Variants in SAMD9 observed in about 807,000 individuals in gnomAD.
SAMD9 encodes sterile alpha motif domain containing 9.
Under a neutral mutation model 1.5 loss-of-function variants are expected in SAMD9, and 3 were observed. That is an observed-to-expected ratio of 2.05 (90% CI 0.93 to 5.29). The LOEUF (loss-of-function observed/expected upper bound fraction) is 5.29, where lower values mean the gene tolerates loss of function less well. Among genes scored for constraint, SAMD9 ranks in the 30% most tolerant of loss-of-function variants. The probability of loss-of-function intolerance (pLI) is 0.02; values close to 1 mark genes in which losing one functional copy is unlikely to be tolerated. For missense variants in SAMD9, 1,597 were observed against 1,820.8 expected (o/e 0.88, Z 2.24); for synonymous variants, 635 against 631.9 (o/e 1.00, Z -0.07).
At chr7:93,116,092 A>G (rs1791827937) in intron 1 of SAMD9, among the ~76,000 whole-genome samples, 1 of 151,988 alleles carries the variant, frequency 6.6e-6, no homozygotes, top group African/African-American at 2.4e-5. Context: ...GAGGCCTCAT[A>G]CCTATGGCTC....
intron 2 of SAMD9, among the ~76,000 whole-genome samples, chr7:93,111,355 G>A (rs1791740246): frequency 6.6e-6 from 1 of 152,196 alleles, no homozygotes; most frequent in Non-Finnish European, 1.5e-5. Context: ...GAGATAGCAG[G>A]AAAGATCTAA....
intron 1 of SAMD9, among the ~76,000 whole-genome samples, chr7:93,115,926 T>C (rs1334608331): frequency 6.6e-6 from 1 of 152,238 alleles, no homozygotes; most frequent in East Asian, 1.9e-4. Context: ...CACCCTCGTC[T>C]AGTAACCATT....
intron 2 of SAMD9, among the ~76,000 whole-genome samples, chr7:93,109,660 G>A (rs1367294237): frequency 6.6e-6 from 1 of 152,178 alleles, no homozygotes; most frequent in Non-Finnish European, 1.5e-5. Flanking sequence ...CGTGACGCAT[G>A]CACAAGCTTC....
chr7:93,117,664 A>C (rs1791853533), intron 1 of SAMD9, among the ~76,000 whole-genome samples, 199 bp downstream of exon 1: 1 of 152,212 alleles, frequency 6.6e-6, no homozygotes, highest in Non-Finnish European at 1.5e-5. Context: ...CTTTAATGAA[A>C]TGTTATGACT....
At position 93,102,143 on chromosome 7, in the gene SAMD9, G is replaced by C; in HGVS notation, c.3955C>G (p.Leu1319Val). 6.2e-7 allele frequency: 1 copy of C among 1,613,472 alleles called. No homozygotes were observed. Among genetic ancestry groups the C allele is most frequent in the Non-Finnish European group, 8.5e-7 (1 of 1,179,730 alleles). ...AGTGGCTCACTGAACTTTGATCCAAGACCTGTGTTGTTTTGTGATTCTTCT... is the reference window on the plus strand; with the variant it reads ...AGTGGCTCACTGAACTTTGATCCAACACCTGTGTTGTTTTGTGATTCTTCT... Reference protein sequence around the residue: ...LLEESQNNTGLGSKFSEPLQV... With the variant: ...LLEESQNNTGVGSKFSEPLQV... Residue 1319 changes from leucine (L) to valine (V), a missense_variant, in exon 3 of 3, where the codon CTT becomes GTT. Physicochemically the swap from Leu to Val is conservative, Grantham distance 32. Transcript: ENST00000379958.
In SAMD9 at chr7:93,105,555, T is replaced by C; in HGVS notation, c.543A>G (p.Leu181=). 6.2e-7 allele frequency: 1 copy of C among 1,614,138 alleles called. No homozygotes were observed. Among genetic ancestry groups the C allele is most frequent in the Non-Finnish European group, 8.5e-7 (1 of 1,180,000 alleles). The change falls in exon 3 of 3, where the codon CTA becomes CTG. Residue 181 remains leucine (L), a synonymous_variant. Transcript: ENST00000379958. ...NPYRYKLDFS[L]QPETGPGNLI... is the part of the protein sequence containing the mutation. ...GATTGCCTGGTCCTGTTTCAGGCTGTAGACTAAAATCCAACTTGTAACGAT... is the reference window on the plus strand; with the variant it reads ...GATTGCCTGGTCCTGTTTCAGGCTGCAGACTAAAATCCAACTTGTAACGAT...
intron 2 of SAMD9, among the ~76,000 whole-genome samples, chr7:93,109,132 G>A (rs1380759451): frequency 6.6e-6 from 1 of 152,230 alleles, no homozygotes; most frequent in East Asian, 1.9e-4. Flanking sequence ...AGCAAAATGT[G>A]ATGTTCTGCA....
At position 93,102,908 on chromosome 7, in the gene SAMD9, T is replaced by G; in HGVS notation, c.3190A>C (p.Asn1064His). The stretch of plus-strand genomic sequence containing the variant: ...AGCAATACAGCTTCAACTGCTTCAT[T>G]TCCTTCATCTTTATGTAATGCTTCA... ...FIEALHKDEG[N>H]EAVEAVLLES... The change falls in exon 3 of 3, where the codon AAT becomes CAT. Residue 1064 changes from asparagine (N) to histidine (H), a missense_variant. Coordinates refer to ENST00000379958, the MANE Select transcript of SAMD9 (RefSeq NM_017654.4). 6.2e-7 allele frequency: 1 copy of G among 1,613,916 alleles called. No individual in the cohort carries two copies. Among genetic ancestry groups the G allele is most frequent in the Non-Finnish European group, 8.5e-7 (1 of 1,179,828 alleles).
chr7:93,102,004 A>G lies in SAMD9; in HGVS notation c.4094T>C (p.Ile1365Thr), dbSNP rs577145375. The change falls in exon 3 of 3, where the codon ATA becomes ACA. Residue 1365 changes from isoleucine to threonine, a missense_variant. By Grantham distance (89) the Ile-to-Thr change is moderately conservative (BLOSUM62 -1). This residue lies in a region of SAMD9 where 682 missense variants were observed against 810.0 expected (regional missense o/e 0.84). Coordinates refer to ENST00000379958, the MANE Select transcript of SAMD9 (RefSeq NM_017654.4). Reference sequence around the variant, plus strand: ...TAAGAGAAAAGTATATTCGTTCACTATACATTTCATAGTGCTTATAGCATC... The same window carrying G: ...TAAGAGAAAAGTATATTCGTTCACTGTACATTTCATAGTGCTTATAGCATC... ...QEDAISTMKC[I>T]VNEYTFLLEQ... The G allele has an allele frequency of 8.6e-5, 139 of 1,613,672 alleles. 3 individuals carry two copies. In the South Asian group the frequency reaches 1.4e-3, roughly 17 times the overall value.
In SAMD9 at chr7:93,102,616, CT is replaced by C; in HGVS notation, c.3481del (p.Ser1161ValfsTer17). Reference protein sequence around the residue: ...ALLDLAEHASSAFKESQQQSE... With the variant: ...ALLDLAEHASXAFKESQQQSE... Reference sequence around the variant, plus strand: ...TTGCTGTTGAGATTCTTTGAATGCACTTGAGGCATGTTCTGCTAAATCCAAA... The same window carrying C: ...TTGCTGTTGAGATTCTTTGAATGCACTGAGGCATGTTCTGCTAAATCCAAA... On this transcript the variant is annotated frameshift_variant, in exon 3 of 3. Coordinates refer to ENST00000379958, the MANE Select transcript of SAMD9 (RefSeq NM_017654.4). LOFTEE classifies it low-confidence loss of function (END_TRUNC). 2 of 1,613,822 alleles carry C rather than the reference CT, an allele frequency of 1.2e-6. No homozygotes were observed. The highest frequency in any genetic ancestry group is 1.7e-6 in the Non-Finnish European group (2 of 1,179,770).
chr7:93,105,525 A>G lies in SAMD9; in HGVS notation c.573T>C (p.Ile191=). 6.2e-7 allele frequency: 1 copy of G among 1,614,106 alleles called. No individual in the cohort carries two copies. The highest frequency in any genetic ancestry group is 8.5e-7 in the Non-Finnish European group (1 of 1,179,998). ...LQPETGPGNL[I]DPIHEFKAFT... ...AGGCTTTGAATTCATGTATCGGATC[A>G]ATGAGATTGCCTGGTCCTGTTTCAG... Residue 191 remains isoleucine (I), a synonymous_variant, in exon 3 of 3, where the codon ATT becomes ATC. Coordinates refer to ENST00000379958, the MANE Select transcript of SAMD9 (RefSeq NM_017654.4).
intron 2 of SAMD9, among the ~76,000 whole-genome samples, chr7:93,109,284 C>A (rs1447497128): frequency 1.3e-5 from 2 of 152,100 alleles, no homozygotes; most frequent in Admixed American, 1.3e-4. Flanking sequence ...ACATCCACAC[C>A]AAAACCCCAT....
chr7:93,114,729 C>A (rs1791806413), intron 2 of SAMD9, 66 bp downstream of exon 2: 1 of 151,942 alleles, frequency 6.6e-6, no homozygotes, highest in Non-Finnish European at 1.5e-5. Flanking sequence ...TAAAAATGAA[C>A]CAACTTTAAC....
intron 2 of SAMD9, 126 bp from the exon 3 acceptor site, chr7:93,106,231 C>T: frequency 1.8e-6 from 1 of 544,292 alleles, no homozygotes; most frequent in East Asian, 3.1e-5. Flanking sequence ...AATGAATTAT[C>T]TCTTGAGAGA....
In SAMD9 at chr7:93,103,342, G is replaced by C; in HGVS notation, c.2756C>G (p.Ser919Cys). ...NIFTKEAKLF[S>C]FLALLNSYVP... ...ATATGAATTAAGAAGAGCCAGAAAAGAAAAGAGCTTTGCTTCCTTGGTGAA... is the reference window on the plus strand; with the variant it reads ...ATATGAATTAAGAAGAGCCAGAAAACAAAAGAGCTTTGCTTCCTTGGTGAA... Residue 919 changes from serine to cysteine, a missense_variant, in exon 3 of 3, where the codon TCT becomes TGT. Coordinates refer to ENST00000379958, the MANE Select transcript of SAMD9 (RefSeq NM_017654.4). The C allele has an allele frequency of 6.2e-7, 1 of 1,613,548 alleles. No homozygotes were observed. Among genetic ancestry groups the C allele is most frequent in the East Asian group, 2.2e-5 (1 of 44,864 alleles).
chr7:93,116,154 T>G (rs1562780313), intron 1 of SAMD9, among the ~76,000 whole-genome samples: 1 of 152,230 alleles, frequency 6.6e-6, no homozygotes, highest in Non-Finnish European at 1.5e-5. Context: ...AGGGTCTCCC[T>G]GACTTCCTTC....
chr7:93,113,922 C>T (rs1033960315), intron 2 of SAMD9, among the ~76,000 whole-genome samples: 2 of 152,074 alleles, frequency 1.3e-5, no homozygotes, highest in Admixed American at 6.5e-5. Context: ...CTAGAAATAC[C>T]ATTTGACCCA....
chr7:93,111,772 C>G (rs1791748815), intron 2 of SAMD9, among the ~76,000 whole-genome samples: 1 of 152,074 alleles, frequency 6.6e-6, no homozygotes, highest in Non-Finnish European at 1.5e-5. Context: ...AAGTTGAATC[C>G]CTGAATAGAC....
rs528938533 is a variant in SAMD9 at position 93,105,135 on chromosome 7, G to C, written c.963C>G (p.Phe321Leu). The C allele has an allele frequency of 3.7e-6, 6 of 1,613,466 alleles. No individual in the cohort carries two copies. In the African/African-American group the frequency reaches 8.0e-5, roughly 22 times the overall value. The change falls in exon 3 of 3, where the codon TTC becomes TTG. Residue 321 changes from phenylalanine to leucine, a missense_variant. By Grantham distance (22) the Phe-to-Leu change is conservative. Coordinates refer to ENST00000379958, the MANE Select transcript of SAMD9 (RefSeq NM_017654.4). ...TGTTGTAATTTTGCATTTTAATCTG[G>C]AAATAATCATATTGGCATTCAGAGA... ...PQFSECQYDY[F>L]QIKMQNYNNK...
Sources: allele counts gnomAD v4.1 joint callset (sites outside exome capture counted in the v4.1 genomes callset), GRCh38; gene constraint gnomAD v4.1.1; regional missense constraint gnomAD v4.1.1; transcripts MANE v1.5; gene names NCBI Gene and HGNC (gene_info 2026-07-23, HGNC 2026-07-21).